ZNF568: variants seen among roughly 807,000 people sequenced by gnomAD.
ZNF568 encodes the protein p53 inhibitor of SCO2 activation.
Under a neutral mutation model 18.1 loss-of-function variants are expected in ZNF568, and 11 were observed. The observed-to-expected ratio is 0.61, with a 90% confidence interval of 0.38 to 1.00. The LOEUF (loss-of-function observed/expected upper bound fraction) is 1.00. Ranked by LOEUF, ZNF568 falls within the 50% of genes least tolerant of loss-of-function variation. The probability of loss-of-function intolerance (pLI) is 0.01; values close to 1 mark genes in which losing one functional copy is unlikely to be tolerated. For synonymous variants in ZNF568, 213 were observed against 246.6 expected (o/e 0.86, Z 1.28); for missense variants, 639 against 768.2 (o/e 0.83, Z 1.99).
intron 4 of ZNF568, among the ~76,000 whole-genome samples, chr19:36,935,864 G>A (rs923323790): frequency 2.6e-5 from 4 of 152,100 alleles, no homozygotes; most frequent in African/African-American, 4.8e-5. Context: ...AACCTAAAAT[G>A]TATTTCCTGT....
At chr19:36,929,265 A>G (rs2073639825) in intron 4 of ZNF568, among the ~76,000 whole-genome samples, 1 of 152,186 alleles carries the variant, frequency 6.6e-6, no homozygotes, top group Admixed American at 6.5e-5. Flanking sequence ...AAAGCGAGGC[A>G]TGGTGGCTCA....
chr19:36,938,651 C>A (rs184125303), intron 6 of ZNF568, among the ~76,000 whole-genome samples: 87 of 152,178 alleles, frequency 5.7e-4, no homozygotes, highest in Non-Finnish European at 6.8e-4. Flanking sequence ...GTGTAAAATT[C>A]TTGAACCATA....
intron 6 of ZNF568, among the ~76,000 whole-genome samples, chr19:36,941,704 T>G (rs1446597391): frequency 6.6e-6 from 1 of 152,222 alleles, no homozygotes; most frequent in Non-Finnish European, 1.5e-5. Flanking sequence ...TAGGCAAAAG[T>G]AATGAGAACT....
intron 2 of ZNF568, among the ~76,000 whole-genome samples, chr19:36,921,064 A>G (rs766393198): frequency 3.7e-4 from 57 of 152,210 alleles, no homozygotes; most frequent in Non-Finnish European, 1.9e-4. Context: ...GTGTAAGTAC[A>G]CTTATATTTG....
intron 3 of ZNF568, 115 bp downstream of exon 3, chr19:36,922,961 C>T: frequency 1.3e-6 from 1 of 757,894 alleles, no homozygotes; most frequent in East Asian, 2.8e-5. Flanking sequence ...ATTGACTAGG[C>T]AGGGGAGACA....
intron 6 of ZNF568, among the ~76,000 whole-genome samples, chr19:36,964,581 G>C (rs1323830102): frequency 2.0e-5 from 3 of 152,154 alleles, no homozygotes; most frequent in African/African-American, 7.2e-5. Flanking sequence ...GGGAAGCCAG[G>C]GTGGGAAGAT....
intron 6 of ZNF568, among the ~76,000 whole-genome samples, chr19:36,958,373 C>T (rs2074122714): frequency 6.6e-6 from 1 of 151,942 alleles, no homozygotes; most frequent in African/African-American, 2.4e-5. Flanking sequence ...GAGCATTAAT[C>T]AGTAAACCCA....
At chr19:36,989,276 A>T (rs56248021) in intron 2 of ZNF568, among the ~76,000 whole-genome samples, 36,680 of 152,054 alleles carry the variant, frequency 0.24, 5,189 homozygotes, top group Non-Finnish European at 0.33. Context: ...TCTGCCTCCC[A>T]GGTTCAAGCG....
intron 4 of ZNF568, among the ~76,000 whole-genome samples, chr19:36,932,101 T>G (rs2073696728): frequency 6.6e-6 from 1 of 152,252 alleles, no homozygotes; most frequent in African/African-American, 2.4e-5. Flanking sequence ...TGTAGGGATA[T>G]ACCACATTTT....
At chr19:36,939,078 A>G (rs2073836379) in intron 6 of ZNF568, among the ~76,000 whole-genome samples, 1 of 151,992 alleles carries the variant, frequency 6.6e-6, no homozygotes, top group South Asian at 2.1e-4. Flanking sequence ...CCTCACACTG[A>G]CCTCCTTTAT....
chr19:36,982,489 A>C (rs1433915381), downstream of ZNF568, among the ~76,000 whole-genome samples: 1 of 152,182 alleles, frequency 6.6e-6, no homozygotes, highest in Non-Finnish European at 1.5e-5. Context: ...ACCTGAGATC[A>C]GGAATTCGAG....
At position 36,950,795 on chromosome 19, in the gene ZNF568, C is replaced by T. The variant is rs1411007160; in HGVS notation, c.1642C>T (p.His548Tyr). Residue 548 changes from histidine (H) to tyrosine (Y), a missense_variant, in exon 7 of 7, where the codon CAT (histidine) becomes TAT (tyrosine). His to Tyr is a moderately conservative substitution (Grantham distance 83). Transcript: ENST00000333987. The stretch of plus-strand genomic sequence containing the variant: ...CAGTCAGAGACAAAATCTTCTTGAG[C>T]ATGAAAAAATTCATACTGGAGAGAA... ...AFSQRQNLLE[H>Y]EKIHTGEKPF... 6.2e-7 allele frequency: 1 copy of T among 1,613,616 alleles called. No individual in the cohort carries two copies. The highest frequency in any genetic ancestry group is 1.3e-5 in the African/African-American group (1 of 75,028).
chr19:36,974,513 G>C (rs1396287496), intron 7 of ZNF568: 3 of 1,492,178 alleles, frequency 2.0e-6, no homozygotes, highest in Non-Finnish European at 2.7e-6. Context: ...CTGGTTTTCA[G>C]GACAGTGTCC....
chr19:36,972,918 G>C (rs1600843125), intron 6 of ZNF568, among the ~76,000 whole-genome samples: 1 of 152,236 alleles, frequency 6.6e-6, no homozygotes, highest in East Asian at 1.9e-4. Flanking sequence ...CCGGGTTTGC[G>C]GCTACATTTT....
downstream of ZNF568, among the ~76,000 whole-genome samples, chr19:36,954,543 T>C (rs2074092881): frequency 6.6e-6 from 1 of 151,592 alleles, no homozygotes; most frequent in Admixed American, 6.6e-5. Flanking sequence ...AATCCAGTTT[T>C]GCTAGCATAC....
chr19:36,987,522 T>C (rs2074386149), intron 2 of ZNF568, among the ~76,000 whole-genome samples: 1 of 151,990 alleles, frequency 6.6e-6, no homozygotes, highest in African/African-American at 2.4e-5. Context: ...GAACCCTCTG[T>C]TGTAGAAATC....
intron 2 of ZNF568, chr19:36,990,907 T>TA (rs2146348831): frequency 3.4e-6 from 1 of 295,384 alleles, no homozygotes; most frequent in East Asian, 5.8e-5. Flanking sequence ...AAACACCACT[T>TA]ACATGGACTT....
intron 4 of ZNF568, among the ~76,000 whole-genome samples, chr19:36,994,913 G>A (rs970201561): frequency 6.6e-6 from 1 of 152,036 alleles, no homozygotes; most frequent in Non-Finnish European, 1.5e-5. Context: ...GCCTCCCAAA[G>A]TTCTGGGATT....
At chr19:36,933,054 C>A (rs767562957) in intron 4 of ZNF568, among the ~76,000 whole-genome samples, 9 of 150,330 alleles carry the variant, frequency 6.0e-5, no homozygotes, top group Non-Finnish European at 1.3e-4. Context: ...ATTTAATTTT[C>A]TTTTGTTGCT....
Sources: allele counts gnomAD v4.1 joint callset (sites outside exome capture counted in the v4.1 genomes callset), GRCh38; gene constraint gnomAD v4.1.1; transcripts MANE v1.5; gene names NCBI Gene and HGNC (gene_info 2026-07-23, HGNC 2026-07-21).